Variants in PDLIM1 observed in about 807,000 individuals in gnomAD.
PDLIM1 encodes PDZ and LIM domain 1.
Under a neutral mutation model 35.2 loss-of-function variants are expected in PDLIM1, and 25 were observed. The observed-to-expected ratio is 0.71, with a 90% CI of 0.52 to 0.99. The LOEUF (loss-of-function observed/expected upper bound fraction) is 0.99, where lower values mean the gene tolerates loss of function less well. Among genes scored for constraint, PDLIM1 ranks in the 50% least tolerant of loss-of-function variants. The pLI is 0.00. For synonymous variants in PDLIM1, 152 were observed against 154.0 expected (o/e 0.99, Z 0.10); for missense variants, 363 against 415.3 (o/e 0.87, Z 1.09).
chr10:95,255,868 A>C (rs45554238), intron 4 of PDLIM1, among the ~76,000 whole-genome samples: 9,275 of 150,482 alleles, frequency 0.062, 384 homozygotes, highest in South Asian at 0.18. Context: ...CGATGATCGA[A>C]TACACAGAAA....
Position 95,238,018 on chromosome 10 carries a change from G to A in PDLIM1, c.897C>T (p.Phe299=), listed in dbSNP as rs1428102745. The A allele has an allele frequency of 1.2e-6, 2 of 1,614,034 alleles. No homozygotes were observed. The highest frequency in any genetic ancestry group is 1.7e-6 in the Non-Finnish European group (2 of 1,180,018). ...CACAGTAGATTTGATCCTCCACAAA[G>A]AAATGGCCCTTCTGTTTCAGGTTGG... ...CGTNLKQKGH[F]FVEDQIYCEK... Residue 299 remains phenylalanine, a synonymous_variant, in exon 7 of 7, where the codon TTC becomes TTT. Transcript: ENST00000329399.
At position 95,263,909 on chromosome 10, in the gene PDLIM1, A is replaced by G; in HGVS notation, c.488T>C (p.Leu163Pro). ...SENISNFNNA[L>P]ESKTAASGVE... Reference sequence around the variant, plus strand: ...CCCGCTGGCAGCAGTCTTTGACTCCAGGGCATTGTTGAAGTTGGAGATATT... The same window carrying G: ...CCCGCTGGCAGCAGTCTTTGACTCCGGGGCATTGTTGAAGTTGGAGATATT... Residue 163 changes from leucine (L) to proline (P), a missense_variant, in exon 4 of 7, where the codon CTG becomes CCG. Physicochemically the swap from Leu to Pro is moderately conservative, Grantham distance 98. Transcript: ENST00000329399. 1 of 1,613,954 alleles carries G rather than the reference A, an allele frequency of 6.2e-7. No homozygotes were observed. The highest frequency in any genetic ancestry group is 8.5e-7 in the Non-Finnish European group (1 of 1,179,982).
intron 3 of PDLIM1, 59 bp downstream of exon 3, chr10:95,268,719 G>A: frequency 9.2e-7 from 1 of 1,082,646 alleles, no homozygotes; most frequent in Non-Finnish European, 1.4e-6. Flanking sequence ...GCTGAGCAGT[G>A]TCAGAAACGG....
intron 1 of PDLIM1, among the ~76,000 whole-genome samples, chr10:95,278,259 C>A (rs892059158): frequency 6.6e-6 from 1 of 152,192 alleles, no homozygotes; most frequent in Non-Finnish European, 1.5e-5. Flanking sequence ...CAAGGATGCA[C>A]CAAGGATGAA....
chr10:95,281,771 C>A lies in PDLIM1; in HGVS notation c.96+9049G>T, dbSNP rs527744998. On this transcript the variant is annotated intron_variant, in intron 1 of 6. Transcript: ENST00000329399. Reference sequence around the variant, plus strand: ...CCTTCCAAAGTGCTAGTTTCACAGGCATGAGCCACTGCGTCCAACCAGTAG... The same window carrying A: ...CCTTCCAAAGTGCTAGTTTCACAGGAATGAGCCACTGCGTCCAACCAGTAG... Among the ~76,000 whole-genome samples the A allele has an allele frequency of 5.3e-5, 8 of 152,310 alleles. No individual in the cohort carries two copies. The South Asian group carries it at 1.7e-3, about 32-fold the overall frequency.
chr10:95,242,895 G>T (rs953027380), intron 5 of PDLIM1, among the ~76,000 whole-genome samples: 3 of 151,818 alleles, frequency 2.0e-5, no homozygotes, highest in African/African-American at 7.3e-5. Context: ...CTACATACCT[G>T]GGCAGTTTGC....
intron 4 of PDLIM1, among the ~76,000 whole-genome samples, chr10:95,255,866 G>A (rs898108120): frequency 1.2e-4 from 17 of 144,406 alleles, no homozygotes; most frequent in African/African-American, 3.6e-4. Flanking sequence ...TGCGATGATC[G>A]AATACACAGA....
intron 4 of PDLIM1, among the ~76,000 whole-genome samples, chr10:95,250,148 A>G (rs988573425): frequency 7.2e-5 from 11 of 152,118 alleles, no homozygotes; most frequent in African/African-American, 2.7e-4. Flanking sequence ...TTATTTTTGG[A>G]TAAATCTTTT....
intron 3 of PDLIM1, among the ~76,000 whole-genome samples, chr10:95,265,091 T>C (rs1002652409): frequency 6.6e-6 from 1 of 152,124 alleles, no homozygotes; most frequent in Non-Finnish European, 1.5e-5. Flanking sequence ...TCCTGAACTC[T>C]AGTCTCTTTC....
At chr10:95,255,488 ACAAT>A (rs1251029729) in intron 4 of PDLIM1, among the ~76,000 whole-genome samples, 2 of 152,212 alleles carry the variant, frequency 1.3e-5, no homozygotes, top group African/African-American at 4.8e-5. Flanking sequence ...TTAACATATA[ACAAT>A]CAATCAGTGT....
chr10:95,271,296 G>C (rs2035462813), intron 2 of PDLIM1, among the ~76,000 whole-genome samples: 1 of 151,778 alleles, frequency 6.6e-6, no homozygotes, highest in South Asian at 2.1e-4. Flanking sequence ...AATTTGCTGG[G>C]TGTGGTGGTG....
chr10:95,276,124 A>T (rs530141315), intron 1 of PDLIM1, among the ~76,000 whole-genome samples: 1 of 152,260 alleles, frequency 6.6e-6, no homozygotes, highest in East Asian at 1.9e-4. Flanking sequence ...CTCACCACCA[A>T]CATATTAGAT....
At chr10:95,252,395 T>G (rs1237695211) in intron 4 of PDLIM1, among the ~76,000 whole-genome samples, 1 of 152,188 alleles carries the variant, frequency 6.6e-6, no homozygotes, top group Non-Finnish European at 1.5e-5. Flanking sequence ...CTGTCAGTAA[T>G]GAGGCAGCAT....
At chr10:95,247,697 G>GA (rs917456147) in intron 4 of PDLIM1, 187 of 186,294 alleles carry the variant, frequency 1.0e-3, no homozygotes, top group East Asian at 2.6e-3. Flanking sequence ...AAAATTTAGA[G>GA]AAAAAAAAAT....
At chr10:95,249,615 T>TATG (rs889514193) in intron 4 of PDLIM1, among the ~76,000 whole-genome samples, 1 of 152,272 alleles carries the variant, frequency 6.6e-6, no homozygotes, top group African/African-American at 2.4e-5. Flanking sequence ...TTCCAGGGTA[T>TATG]ATGTTTTCCC....
At chr10:95,255,324 T>TAAA (rs56689408) in intron 4 of PDLIM1, among the ~76,000 whole-genome samples, 19 of 102,886 alleles carry the variant, frequency 1.8e-4, no homozygotes, top group African/African-American at 3.6e-4. Flanking sequence ...CCAAAGATAC[T>TAAA]AAAAAAAAAA....
At chr10:95,271,152 G>A (rs115232825) in intron 2 of PDLIM1, among the ~76,000 whole-genome samples, 2 of 151,826 alleles carry the variant, frequency 1.3e-5, no homozygotes, top group East Asian at 3.9e-4. Context: ...AAAATCAGAG[G>A]GGGGCTGGGC....
chr10:95,240,903 T>C (rs550420145), intron 5 of PDLIM1, among the ~76,000 whole-genome samples: 1 of 152,222 alleles, frequency 6.6e-6, no homozygotes, highest in Admixed American at 6.5e-5. Flanking sequence ...CTATTAATAA[T>C]GGTAAAAATC....
intron 1 of PDLIM1, among the ~76,000 whole-genome samples, chr10:95,288,780 C>A (rs2035624253): frequency 6.6e-6 from 1 of 152,178 alleles, no homozygotes; most frequent in African/African-American, 2.4e-5. Flanking sequence ...GTTACCTCTT[C>A]TGAGTCACTT....
Sources: allele counts gnomAD v4.1 joint callset (sites outside exome capture counted in the v4.1 genomes callset), GRCh38; gene constraint gnomAD v4.1.1; transcripts MANE v1.5; gene names NCBI Gene and HGNC (gene_info 2026-07-23, HGNC 2026-07-21).